The following SESN1 variants were observed in gnomAD, a reference collection of about 807,000 sequenced individuals.
SESN1 encodes sestrin-1.
A neutral mutation model predicts 59.3 loss-of-function variants in SESN1; 30 were observed. That is an observed-to-expected ratio of 0.51 (90% CI 0.38 to 0.69). The LOEUF is 0.69. Among genes scored for constraint, SESN1 ranks in the 30% least tolerant of loss-of-function variants. The pLI is 0.00. For missense variants in SESN1, 566 were observed against 673.0 expected (o/e 0.84, Z 1.76); for synonymous variants, 197 against 219.9 (o/e 0.90, Z 0.92).
chr6:109,049,492 A>G (rs961379856), intron 1 of SESN1, among the ~76,000 whole-genome samples: 1 of 152,124 alleles, frequency 6.6e-6, no homozygotes, highest in Non-Finnish European at 1.5e-5. Flanking sequence ...ACTATAGTTA[A>G]CAATATTATA....
chr6:109,059,078 T>G lies in SESN1; in HGVS notation c.279+34717A>C, dbSNP rs376370666. Among the ~76,000 whole-genome samples, 272 of 151,820 alleles carry G rather than the reference T, an allele frequency of 1.8e-3. 9 individuals carry two copies. In the South Asian group the frequency reaches 0.056, roughly 31 times the overall value. On this transcript the variant is annotated intron_variant, in intron 1 of 9. Transcript: ENST00000436639. ...CGAAGTTTTTCAAAATTTATGTAAC[T>G]CCATATATATCACTTCATACACACA...
chr6:109,054,639 TTC>T, intron 1 of SESN1, among the ~76,000 whole-genome samples: 1 of 152,352 alleles, frequency 6.6e-6, no homozygotes, highest in African/African-American at 2.4e-5. Context: ...AAAAAATTTC[TTC>T]TGTCATTGTA....
intron 1 of SESN1, among the ~76,000 whole-genome samples, chr6:109,085,276 T>C (rs1781193797): frequency 1.3e-5 from 2 of 152,108 alleles, no homozygotes; most frequent in African/African-American, 4.8e-5. Context: ...TCCCAGCACT[T>C]TGGGAAGCCG....
At position 109,094,379 on chromosome 6, in the gene SESN1, C is replaced by T. The variant is rs914115133; in HGVS notation, c.-306G>A. 2 of 404,926 alleles carry T rather than the reference C, an allele frequency of 4.9e-6. No homozygotes were observed. Among genetic ancestry groups the T allele is most frequent in the Admixed American group, 8.5e-5 (2 of 23,648 alleles). The allele number at this position is 404,926 out of a possible 1,614,324, so 25.1% of individuals were successfully genotyped here. ...ATTTCGGGGAAGCGTTCTCCTCCGT[C>T]TCGCGGGGTCAGTGGATATCCTCAC... On this transcript the variant is annotated 5_prime_UTR_variant, in exon 1 of 10. Coordinates refer to ENST00000436639, the MANE Select transcript of SESN1 (RefSeq NM_014454.3).
chr6:109,003,209 TA>T, intron 1 of SESN1, among the ~76,000 whole-genome samples: 1 of 151,966 alleles, frequency 6.6e-6, no homozygotes, highest in Non-Finnish European at 1.5e-5. Context: ...TAGTGTCATT[TA>T]AAAATTTTTT....
chr6:109,092,117 T>C (rs1781324765), intron 1 of SESN1, among the ~76,000 whole-genome samples: 1 of 152,220 alleles, frequency 6.6e-6, no homozygotes, highest in East Asian at 1.9e-4. Flanking sequence ...CTGAGTCCTT[T>C]TGCAGGATGA....
chr6:109,036,402 T>G (rs1431095044), intron 1 of SESN1, among the ~76,000 whole-genome samples: 1 of 152,158 alleles, frequency 6.6e-6, no homozygotes, highest in African/African-American at 2.4e-5. Flanking sequence ...ATGGAAAGCT[T>G]AACCATCATT....
intron 1 of SESN1, among the ~76,000 whole-genome samples, chr6:109,063,345 G>T (rs561010790): frequency 1.3e-5 from 2 of 152,310 alleles, no homozygotes; most frequent in South Asian, 4.1e-4. Flanking sequence ...CCTTGGGCAG[G>T]GGGTTGGGGG....
chr6:108,991,481 A>AACT (rs1779382819), intron 7 of SESN1, among the ~76,000 whole-genome samples: 1 of 152,058 alleles, frequency 6.6e-6, no homozygotes, highest in South Asian at 2.1e-4. Context: ...GGCCTCAGTG[A>AACT]TTTTCCCATC....
chr6:108,991,383 T>C (rs1287842618), intron 7 of SESN1, among the ~76,000 whole-genome samples: 3 of 152,138 alleles, frequency 2.0e-5, no homozygotes, highest in South Asian at 2.1e-4. Context: ...ACTGGAACTA[T>C]AGGCACAGGC....
intron 1 of SESN1, among the ~76,000 whole-genome samples, chr6:109,058,362 G>A (rs1288465481): frequency 6.6e-6 from 1 of 152,144 alleles, no homozygotes; most frequent in Non-Finnish European, 1.5e-5. Context: ...ACTCAGTATA[G>A]TAACATGCTA....
At chr6:109,019,474 T>C (rs909937930) in intron 1 of SESN1, among the ~76,000 whole-genome samples, 3 of 152,232 alleles carry the variant, frequency 2.0e-5, no homozygotes, top group Admixed American at 6.5e-5. Flanking sequence ...TACTGAATTA[T>C]AGACCAAACT....
At chr6:108,993,964 C>T (rs1779446931) in intron 6 of SESN1, among the ~76,000 whole-genome samples, 1 of 151,138 alleles carries the variant, frequency 6.6e-6, no homozygotes, top group Non-Finnish European at 1.5e-5. Context: ...ATAGCAAGAC[C>T]CCATCTCTAC....
chr6:109,076,388 A>T (rs1476754668), intron 1 of SESN1, among the ~76,000 whole-genome samples: 1 of 152,230 alleles, frequency 6.6e-6, no homozygotes, highest in African/African-American at 2.4e-5. Flanking sequence ...CAAGCATAGT[A>T]ACATTCTAGG....
At chr6:109,000,292 TAG>T (rs1429909984) in intron 4 of SESN1, 197 bp downstream of exon 4, 1 of 423,592 alleles carries the variant, frequency 2.4e-6, no homozygotes, top group Non-Finnish European at 4.2e-6. Context: ...ATGTGAACTA[TAG>T]AGTTACTAGT....
intron 1 of SESN1, among the ~76,000 whole-genome samples, chr6:109,086,310 C>T (rs916535367): frequency 6.6e-6 from 1 of 152,146 alleles, no homozygotes; most frequent in African/African-American, 2.4e-5. Context: ...CAAGATCATG[C>T]CACTGCACTC....
intron 1 of SESN1, among the ~76,000 whole-genome samples, chr6:109,083,757 G>A (rs1002754017): frequency 8.5e-5 from 13 of 152,134 alleles, no homozygotes; most frequent in Non-Finnish European, 1.6e-4. Context: ...TCTTAAATAT[G>A]TCCTTCGGTA....
At position 109,076,583 on chromosome 6, in the gene SESN1, C is replaced by T. The variant is rs966801600; in HGVS notation, c.279+17212G>A. Among the ~76,000 whole-genome samples, 3 of 151,840 alleles carry T rather than the reference C, an allele frequency of 2.0e-5. No individual in the cohort carries two copies. In the South Asian group the frequency reaches 6.3e-4, roughly 32 times the overall value. On this transcript the variant is annotated intron_variant, in intron 1 of 9. Coordinates refer to ENST00000436639, the MANE Select transcript of SESN1 (RefSeq NM_014454.3). The stretch of plus-strand genomic sequence containing the variant: ...TGTTCATACAGGCACTGACAGATGG[C>T]GCAAGGAAGATAAAAGGGGGCCACA...
chr6:109,064,280 G>C (rs2114457926), intron 1 of SESN1, among the ~76,000 whole-genome samples: 1 of 151,754 alleles, frequency 6.6e-6, no homozygotes, highest in Non-Finnish European at 1.5e-5. Flanking sequence ...GATAAATAAA[G>C]GTTTATAGAT....
Sources: gnomAD v4.1 joint callset for allele counts (sites outside exome capture counted in the v4.1 genomes callset) on GRCh38, gnomAD v4.1.1 for gene constraint, MANE v1.5 for transcripts, NCBI Gene and HGNC (gene_info 2026-07-23, HGNC 2026-07-21) for gene names.